Variants in DST observed in about 807,000 individuals in gnomAD.
DST encodes dystonin.
Under a neutral mutation model 875.2 loss-of-function variants are expected in DST, and 253 were observed. The ratio of observed to expected loss-of-function variants is 0.29; its 90% CI spans 0.26 to 0.32. The LOEUF is 0.32. DST is among the 10% of genes least tolerant of loss of function. The probability of loss-of-function intolerance (pLI) is 1.00; values close to 1 mark genes in which losing one functional copy is unlikely to be tolerated. For synonymous variants in DST, 3,124 were observed against 3,197.1 expected, an observed-to-expected ratio of 0.98 and a Z score of 0.77; for missense variants, 8,287 against 9,111.6, an observed-to-expected ratio of 0.91 and a Z score of 3.68.
rs571605921 is a variant in DST, at chr6:56,465,462, A to G, written c.22687+616T>C. On this transcript the variant is annotated intron_variant, in intron 99 of 103. Transcript: ENST00000680361. ...CACGTGTAACGTAAATTGGTTGAGA[A>G]CTTAAAAATTGACAGAAGGATCTCA... Among the ~76,000 whole-genome samples the G allele has an allele frequency of 2.1e-3, 317 of 152,368 alleles. 1 individual carries two copies. Among genetic ancestry groups the G allele is most frequent in the African/African-American group, 7.1e-3 (295 of 41,578 alleles).
At chr6:56,695,188 C>T (rs989951672) in intron 9 of DST, among the ~76,000 whole-genome samples, 5 of 150,656 alleles carry the variant, frequency 3.3e-5, no homozygotes, top group African/African-American at 1.2e-4. Flanking sequence ...CCTACCCCTC[C>T]TCCTCCTTCT....
intron 4 of DST, among the ~76,000 whole-genome samples, chr6:56,805,580 T>C (rs1271455953): frequency 6.6e-6 from 1 of 152,214 alleles, no homozygotes; most frequent in East Asian, 1.9e-4. Context: ...AAATGATTTT[T>C]ATTGAATAAG....
chr6:56,797,680 G>GT (rs1052781305), intron 4 of DST, among the ~76,000 whole-genome samples: 3 of 152,012 alleles, frequency 2.0e-5, no homozygotes, highest in African/African-American at 7.2e-5. Flanking sequence ...TTAGCTGGGC[G>GT]TGGTGGCAGG....
intron 58 of DST, among the ~76,000 whole-genome samples, chr6:56,558,940 A>T (rs2097483239): frequency 6.6e-6 from 1 of 152,032 alleles, no homozygotes; most frequent in Non-Finnish European, 1.5e-5. Flanking sequence ...TGTTTTCTCC[A>T]TCCTCAAGAC....
intron 4 of DST, among the ~76,000 whole-genome samples, chr6:56,755,176 G>A (rs908030437): frequency 6.6e-5 from 10 of 151,588 alleles, no homozygotes; most frequent in Non-Finnish European, 1.3e-4. Flanking sequence ...ATAGGAAACC[G>A]GTTGACTACA....
At chr6:56,952,280 TA>T (rs1394839879) in intron 2 of DST, among the ~76,000 whole-genome samples, 1 of 152,222 alleles carries the variant, frequency 6.6e-6, no homozygotes, top group Non-Finnish European at 1.5e-5. Flanking sequence ...GTTTGTGCTT[TA>T]GCTGAAATAT....
At chr6:56,865,407 C>T (rs1773515680) in intron 3 of DST, among the ~76,000 whole-genome samples, 1 of 152,028 alleles carries the variant, frequency 6.6e-6, no homozygotes. Flanking sequence ...GGTGAGATCC[C>T]AGCTCATGGC....
chr6:56,505,279 G>A (rs914764984), intron 77 of DST, among the ~76,000 whole-genome samples: 8 of 152,076 alleles, frequency 5.3e-5, no homozygotes, highest in Non-Finnish European at 4.4e-5. Context: ...TTACTTTTCT[G>A]GTAGTGATAA....
At position 56,603,563 on chromosome 6, in the gene DST, C is replaced by T; in HGVS notation, c.10941+1G>A. The T allele has an allele frequency of 6.2e-7, 1 of 1,604,270 alleles. No homozygotes were observed. The highest frequency in any genetic ancestry group is 8.5e-7 in the Non-Finnish European group (1 of 1,176,540). On this transcript the variant is annotated splice_donor_variant, in intron 41 of 103. Coordinates refer to ENST00000680361, the MANE Select transcript of DST (RefSeq NM_001374736.1). LOFTEE classifies it high-confidence loss of function. ...ATAAAGAGGCAGTAGACAATTCTTA[C>T]CTCCAACTGTCTAAGTTGATTCTTC...
chr6:56,721,961 C>T (rs2099418359), intron 5 of DST, among the ~76,000 whole-genome samples: 1 of 152,200 alleles, frequency 6.6e-6, no homozygotes, highest in South Asian at 2.1e-4. Flanking sequence ...TATAACCACA[C>T]ATAAATGAAT....
intron 10 of DST, 86 bp downstream of exon 10, chr6:56,670,555 A>G (rs2099096328): frequency 2.9e-6 from 3 of 1,035,034 alleles, no homozygotes; most frequent in South Asian, 5.0e-5. Context: ...TTTTGCTTCT[A>G]TAATAATAAA....
intron 4 of DST, among the ~76,000 whole-genome samples, chr6:56,762,481 G>C (rs1347628461): frequency 6.6e-6 from 1 of 152,198 alleles, no homozygotes; most frequent in East Asian, 1.9e-4. Context: ...TGGAAATTGG[G>C]AATGGCTGCC....
rs1239344903 is a variant in DST at position 56,594,106 on chromosome 6, A to G, written c.12283T>C (p.Tyr4095His). The stretch of plus-strand genomic sequence containing the variant: ...TTCTCTTTTTCTTCAGGAGAGAGAT[A>G]CTGACCCTGTTTCTCAAGCAACACT... ...AQVLLEKQGQ[Y>H]LSPEEKEKLQ... Residue 4095 changes from tyrosine to histidine, a missense_variant, in exon 48 of 104, where the codon TAT becomes CAT. This residue lies in a region of DST where 1,513 missense variants were observed against 1,677.8 expected (regional missense o/e 0.90). Coordinates refer to ENST00000680361, the MANE Select transcript of DST (RefSeq NM_001374736.1). 5 of 1,606,950 alleles carry G rather than the reference A, an allele frequency of 3.1e-6. No homozygotes were observed. The highest frequency in any genetic ancestry group is 1.7e-5 in the Admixed American group (1 of 58,844).
chr6:56,553,689 C>T, intron 60 of DST, 34 bp from the exon 61 acceptor site: 1 of 1,562,604 alleles, frequency 6.4e-7, no homozygotes, highest in Non-Finnish European at 8.7e-7. Context: ...GTTTATTTTA[C>T]ATCAAAATGT....
In DST at chr6:56,636,321, T is replaced by C. The variant is rs2098824529; in HGVS notation, c.3060+236A>G. 2.7e-5 allele frequency among the ~76,000 whole-genome samples: 4 copies of C among 150,900 alleles called. No homozygotes were observed. In the South Asian group the frequency reaches 8.4e-4, roughly 32 times the overall value. ...ATATACATATATAACAGTGTGTGTA[T>C]ATATGTGTATATATGTATATGTATG... On this transcript the variant is annotated intron_variant, in intron 23 of 103. Transcript: ENST00000680361.
chr6:56,739,505 G>A (rs554369861), intron 4 of DST, among the ~76,000 whole-genome samples: 107 of 152,246 alleles, frequency 7.0e-4, no homozygotes, highest in African/African-American at 2.4e-3. Context: ...TGTCAGAGGG[G>A]TGTGAACTAG....
chr6:56,600,027 A>T, intron 45 of DST, 42 bp downstream of exon 45: 1 of 1,536,852 alleles, frequency 6.5e-7, no homozygotes, highest in Non-Finnish European at 8.8e-7. Context: ...GTAATCGAAC[A>T]TAACATCAAC....
At position 56,609,178 on chromosome 6, in the gene DST, T is replaced by C. The variant is rs1468460464; in HGVS notation, c.5450A>G (p.Asp1817Gly). 5 of 1,613,714 alleles carry C rather than the reference T, an allele frequency of 3.1e-6. No individual in the cohort carries two copies. Among genetic ancestry groups the C allele is most frequent in the South Asian group, 1.1e-5 (1 of 91,088 alleles). ...GCCATGACTTTTGGCATCTTTAAGG[T>C]CAAAGCACTTTCTTAATTCTGGTGA... ...LISPELRKCF[D>G]LKDAKSHGLI... The change falls in exon 40 of 104, where the codon GAC (aspartate) becomes GGC (glycine). Residue 1817 changes from aspartate (D) to glycine (G), a missense_variant. This residue lies in a region of DST where 3,138 missense variants were observed against 3,116.6 expected (regional missense o/e 1.01). Transcript: ENST00000680361.
intron 4 of DST, among the ~76,000 whole-genome samples, chr6:56,777,918 G>A (rs933025236): frequency 2.0e-5 from 3 of 151,964 alleles, no homozygotes; most frequent in Middle Eastern, 3.2e-3. Context: ...GCCCAGGCTG[G>A]TCTCAAATGC....
Sources: gnomAD v4.1 joint callset for allele counts (sites outside exome capture counted in the v4.1 genomes callset) on GRCh38, gnomAD v4.1.1 for gene constraint, gnomAD v4.1.1 regional missense constraint, MANE v1.5 for transcripts, NCBI Gene and HGNC (gene_info 2026-07-23, HGNC 2026-07-21) for gene names.